The following EYS variants were observed in gnomAD, a reference collection of about 807,000 sequenced individuals.
The protein encoded by EYS is EGF-like photoreceptor maintenance factor.
In EYS, 250 loss-of-function variants were observed where a neutral mutation model predicts 282.1. The observed-to-expected ratio is 0.89, with a 90% CI of 0.80 to 0.98. The LOEUF (loss-of-function observed/expected upper bound fraction) is 0.98. Ranked by LOEUF, EYS falls within the 50% of genes least tolerant of loss-of-function variation. The pLI, the probability that EYS is intolerant of heterozygous loss-of-function variation, is 0.00. For synonymous variants in EYS, 1,355 were observed against 1,282.9 expected, an observed-to-expected ratio of 1.06 and a Z score of -1.20; for missense variants, 4,016 against 3,709.0, an observed-to-expected ratio of 1.08 and a Z score of -2.15.
At chr6:65,265,120 T>G (rs141419717) in intron 12 of EYS, among the ~76,000 whole-genome samples, 1 of 151,848 alleles carries the variant, frequency 6.6e-6, no homozygotes, top group African/African-American at 2.4e-5. Flanking sequence ...GAGGCAAGGG[T>G]TGAAAAACTA....
At chr6:64,942,903 TAC>T (rs1769144060) in intron 15 of EYS, among the ~76,000 whole-genome samples, 1 of 148,546 alleles carries the variant, frequency 6.7e-6, no homozygotes, top group Non-Finnish European at 1.5e-5. Context: ...ATTATCGAGA[TAC>T]CAAAACCTGG....
intron 1 of EYS, among the ~76,000 whole-genome samples, chr6:65,652,012 T>C (rs1226647022): frequency 2.0e-5 from 3 of 151,984 alleles, no homozygotes; most frequent in Non-Finnish European, 2.9e-5. Context: ...TTGATGGTAT[T>C]AGACACAATA....
intron 36 of EYS, among the ~76,000 whole-genome samples, chr6:63,858,800 T>A (rs1772457885): frequency 6.6e-6 from 1 of 152,160 alleles, no homozygotes; most frequent in African/African-American, 2.4e-5. Context: ...CTGGATCATA[T>A]CAGAGTGGAT....
rs1023502223 is a variant in EYS, at chr6:63,799,202, C to T, written c.7411+6988G>A. Among the ~76,000 whole-genome samples, 5 of 151,372 alleles carry T rather than the reference C, an allele frequency of 3.3e-5. No homozygotes were observed. The South Asian group carries it at 8.3e-4, about 25-fold the overall frequency. On this transcript the variant is annotated intron_variant, in intron 37 of 42. Transcript: ENST00000503581. ...CTAATTTTTGTATTATTAGTAGAGA[C>T]AGGGTCTTGCCATGTTGGCCAGGGT...
chr6:65,658,918 T>C (rs1416162258), intron 1 of EYS, among the ~76,000 whole-genome samples: 1 of 151,446 alleles, frequency 6.6e-6, no homozygotes, highest in Non-Finnish European at 1.5e-5. Context: ...TTAAACCTTT[T>C]TTTTCTTTTT....
chr6:64,299,385 G>A (rs1003371873), intron 30 of EYS, among the ~76,000 whole-genome samples: 3 of 152,204 alleles, frequency 2.0e-5, no homozygotes, highest in Non-Finnish European at 4.4e-5. Context: ...CAGCCCCCTG[G>A]CCTACTCTTT....
intron 29 of EYS, among the ~76,000 whole-genome samples, chr6:64,359,992 T>C (rs1210271851): frequency 6.6e-6 from 1 of 151,700 alleles, no homozygotes; most frequent in African/African-American, 2.4e-5. Context: ...TCTCTGAAGC[T>C]CTACTAACCT....
intron 21 of EYS, among the ~76,000 whole-genome samples, chr6:64,819,644 A>G (rs1425520779): frequency 6.6e-6 from 1 of 151,930 alleles, no homozygotes; most frequent in Non-Finnish European, 1.5e-5. Context: ...ATAATTGTAG[A>G]TGAGAATATA....
At chr6:64,551,197 T>TAC (rs1000706773) in intron 26 of EYS, among the ~76,000 whole-genome samples, 4 of 149,222 alleles carry the variant, frequency 2.7e-5, no homozygotes, top group East Asian at 1.9e-4. Flanking sequence ...TATACATATA[T>TAC]ACACACATAT....
intron 22 of EYS, among the ~76,000 whole-genome samples, chr6:64,748,813 C>T (rs1177442088): frequency 1.3e-5 from 2 of 152,162 alleles, no homozygotes; most frequent in Non-Finnish European, 2.9e-5. Flanking sequence ...CACTCTGTTG[C>T]CCAGGCTGGA....
intron 1 of EYS, among the ~76,000 whole-genome samples, chr6:65,646,607 C>A (rs1767459012): frequency 6.6e-6 from 1 of 152,112 alleles, no homozygotes; most frequent in African/African-American, 2.4e-5. Context: ...CTTCTGAGAA[C>A]CAGAACACGA....
chr6:63,761,244 A>G (rs1582181106), intron 41 of EYS, among the ~76,000 whole-genome samples: 1 of 152,008 alleles, frequency 6.6e-6, no homozygotes, highest in South Asian at 2.1e-4. Flanking sequence ...CTACTCCAGG[A>G]AAGAGTGTGG....
intron 28 of EYS, among the ~76,000 whole-genome samples, chr6:64,391,159 T>C (rs1316790505): frequency 6.6e-6 from 1 of 152,056 alleles, no homozygotes; most frequent in Admixed American, 6.5e-5. Context: ...TTGGTGTACC[T>C]GAAAGTGATG....
rs372182053 is a variant in EYS, at chr6:64,661,449, A to C, written c.3444-35204T>G. On this transcript the variant is annotated intron_variant, in intron 22 of 42. Transcript: ENST00000503581. The stretch of plus-strand genomic sequence containing the variant: ...AGAAACTACCATCAGAGTGAACAGG[A>C]AACCTACAGAATGGGAGAAAATTTT... Among the ~76,000 whole-genome samples the C allele has an allele frequency of 7.2e-5, 11 of 152,266 alleles. No individual in the cohort carries two copies. The South Asian group carries it at 1.2e-3, about 17-fold the overall frequency.
chr6:64,531,366 T>C (rs1372012637), intron 26 of EYS, among the ~76,000 whole-genome samples: 5 of 146,398 alleles, frequency 3.4e-5, no homozygotes, highest in African/African-American at 1.0e-4. Context: ...ATTAATAAAA[T>C]TGATGAAAAA....
At chr6:65,121,219 T>C (rs1344747786) in intron 12 of EYS, among the ~76,000 whole-genome samples, 1 of 152,116 alleles carries the variant, frequency 6.6e-6, no homozygotes, top group Non-Finnish European at 1.5e-5. Flanking sequence ...CCAAGACACT[T>C]GTGCACATTG....
At chr6:65,228,224 G>A (rs75691575) in intron 12 of EYS, among the ~76,000 whole-genome samples, 70 of 151,692 alleles carry the variant, frequency 4.6e-4, no homozygotes, top group African/African-American at 1.6e-3. Context: ...AATAAGACAA[G>A]GAAAATACAG....
chr6:64,284,221 C>G (rs1466790462), intron 30 of EYS, among the ~76,000 whole-genome samples: 1 of 152,166 alleles, frequency 6.6e-6, no homozygotes, highest in Non-Finnish European at 1.5e-5. Context: ...AATGGGGGTA[C>G]AGGTACTGGG....
At chr6:64,321,372 C>G (rs532389937) in intron 29 of EYS, among the ~76,000 whole-genome samples, 3 of 151,706 alleles carry the variant, frequency 2.0e-5, no homozygotes, top group African/African-American at 4.8e-5. Flanking sequence ...AATCAAATTT[C>G]ATTAGTACCA....
Sources: allele counts gnomAD v4.1 joint callset (sites outside exome capture counted in the v4.1 genomes callset), GRCh38; gene constraint gnomAD v4.1.1; transcripts MANE v1.5; gene names NCBI Gene and HGNC (gene_info 2026-07-23, HGNC 2026-07-21).